Variants in TGFBRAP1 observed in about 807,000 individuals in gnomAD.
TGFBRAP1 encodes transforming growth factor beta receptor associated protein 1.
Under a neutral mutation model 83.2 loss-of-function variants are expected in TGFBRAP1, and 20 were observed. The ratio of observed to expected loss-of-function variants is 0.24; its 90% CI spans 0.17 to 0.35. The LOEUF (loss-of-function observed/expected upper bound fraction) is 0.35, where lower values mean the gene tolerates loss of function less well. Ranked by LOEUF, TGFBRAP1 falls within the 10% of genes least tolerant of loss-of-function variation. The probability of loss-of-function intolerance (pLI) is 1.00; values close to 1 mark genes in which losing one functional copy is unlikely to be tolerated. For missense variants in TGFBRAP1, 950 were observed against 1,099.4 expected, an observed-to-expected ratio of 0.86 and a Z score of 1.92; for synonymous variants, 415 against 459.8, an observed-to-expected ratio of 0.90 and a Z score of 1.25.
chr2:105,297,453 C>G (rs72823859), intron 3 of TGFBRAP1, among the ~76,000 whole-genome samples: 1 of 152,180 alleles, frequency 6.6e-6, no homozygotes, highest in Non-Finnish European at 1.5e-5. Context: ...GTGACCCCAG[C>G]GCATGCGCCA....
chr2:105,310,109 C>T (rs1678643164), intron 1 of TGFBRAP1, among the ~76,000 whole-genome samples: 1 of 152,150 alleles, frequency 6.6e-6, no homozygotes, highest in South Asian at 2.1e-4. Flanking sequence ...GGAATGGACA[C>T]TTGGCTATTC....
chr2:105,275,575 C>A lies in TGFBRAP1; in HGVS notation c.1650G>T (p.Leu550=). ...AAGCACAAACCTCTTCACTTTTCTG[C>A]AGGACCCAATCAGCATAGGCCCACA... ...ELVWAYADWV[L]QKSEEVGVQV... is the part of the protein sequence containing the mutation. Residue 550 remains leucine, a synonymous_variant, in exon 8 of 12, where the codon CTG becomes CTT. Coordinates refer to ENST00000393359, the MANE Select transcript of TGFBRAP1 (RefSeq NM_004257.6). 1.2e-6 allele frequency: 2 copies of A among 1,613,756 alleles called. No homozygotes were observed. The highest frequency in any genetic ancestry group is 1.7e-6 in the Non-Finnish European group (2 of 1,179,918).
chr2:105,284,334 T>C lies in TGFBRAP1; in HGVS notation c.1103A>G (p.Glu368Gly). The change falls in exon 5 of 12, where the codon GAA (glutamate) becomes GGA (glycine). Residue 368 changes from glutamate (E) to glycine (G), a missense_variant. Transcript: ENST00000393359. Reference sequence around the variant, plus strand: ...AAATTACCTGAAGAGCTCTTTAGCTTCCAGGAACTGAAGTTGTGCAAACTG... The same window carrying C: ...AAATTACCTGAAGAGCTCTTTAGCTCCCAGGAACTGAAGTTGTGCAAACTG... ...FIQFAQLQFL[E>G]AKELFRSGQL... 6.2e-7 allele frequency: 1 copy of C among 1,613,976 alleles called. No homozygotes were observed. Among genetic ancestry groups the C allele is most frequent in the Non-Finnish European group, 8.5e-7 (1 of 1,179,910 alleles).
At chr2:105,292,989 T>C (rs894128412) in intron 4 of TGFBRAP1, among the ~76,000 whole-genome samples, 2 of 151,910 alleles carry the variant, frequency 1.3e-5, no homozygotes, top group South Asian at 2.1e-4. Flanking sequence ...GCGAGATTTT[T>C]CCCTAAGGAT....
chr2:105,285,920 C>T (rs371914922), intron 4 of TGFBRAP1, among the ~76,000 whole-genome samples: 4 of 152,208 alleles, frequency 2.6e-5, no homozygotes, highest in East Asian at 3.8e-4. Flanking sequence ...AGCAAGGCAA[C>T]GTTCTGTTGC....
intron 2 of TGFBRAP1, 22 bp downstream of exon 2, chr2:105,307,592 C>G (rs576810862): frequency 6.3e-7 from 1 of 1,579,422 alleles, no homozygotes; most frequent in Admixed American, 1.8e-5. Flanking sequence ...AAAGATCAGG[C>G]GCACAAATGC....
chr2:105,311,010 C>A (rs1678671035), intron 1 of TGFBRAP1, among the ~76,000 whole-genome samples: 1 of 151,930 alleles, frequency 6.6e-6, no homozygotes, highest in South Asian at 2.1e-4. Context: ...TTCATAATTC[C>A]AGCCCCTGTC....
chr2:105,303,739 G>T (rs1466077962), intron 2 of TGFBRAP1, among the ~76,000 whole-genome samples: 1 of 152,188 alleles, frequency 6.6e-6, no homozygotes. Context: ...CCACTAGGAA[G>T]TGGTCTTGCC....
At chr2:105,318,296 T>A (rs1045232709) in intron 1 of TGFBRAP1, among the ~76,000 whole-genome samples, 4 of 152,148 alleles carry the variant, frequency 2.6e-5, no homozygotes, top group Admixed American at 1.3e-4. Context: ...CTTAAGGGAA[T>A]GATGAACACA....
Position 105,307,757 on chromosome 2 carries a change from A to G in TGFBRAP1, c.545T>C (p.Leu182Pro). The G allele has an allele frequency of 6.2e-7, 1 of 1,614,202 alleles. No homozygotes were observed. The highest frequency in any genetic ancestry group is 8.5e-7 in the Non-Finnish European group (1 of 1,180,036). ...GATGATGTACTGAGTGGTCAGAGCC[A>G]GACACAGGAAGTGGCCGTCCACAGC... ...AVAVDGHFLC[L>P]ALTTQYIIHN... The change falls in exon 2 of 12, where the codon CTG (leucine) becomes CCG (proline). Residue 182 changes from leucine (L) to proline (P), a missense_variant. By Grantham distance (98) the Leu-to-Pro change is moderately conservative. Coordinates refer to ENST00000393359, the MANE Select transcript of TGFBRAP1 (RefSeq NM_004257.6).
intron 2 of TGFBRAP1, 30 bp from the exon 3 acceptor site, chr2:105,298,735 C>A: frequency 6.5e-7 from 1 of 1,530,274 alleles, no homozygotes; most frequent in Non-Finnish European, 8.8e-7. Flanking sequence ...GTTAGGTAGG[C>A]TTCCAAATAA....
intron 1 of TGFBRAP1, among the ~76,000 whole-genome samples, chr2:105,316,635 T>G (rs1359833767): frequency 6.6e-6 from 1 of 151,916 alleles, no homozygotes; most frequent in East Asian, 1.9e-4. Context: ...GACAACATGG[T>G]GAAACCCGTC....
rs143465525 is a variant in TGFBRAP1, at chr2:105,317,272, A to G, written c.-17-8954T>C. On this transcript the variant is annotated intron_variant, in intron 1 of 11. Coordinates refer to ENST00000393359, the MANE Select transcript of TGFBRAP1 (RefSeq NM_004257.6). The stretch of plus-strand genomic sequence containing the variant: ...CCCAACATGGTGAAACCCCATTTAC[A>G]CTAAAAATACAAAAATTAGCTGGGC... Among the ~76,000 whole-genome samples, 5 of 152,260 alleles carry G rather than the reference A, an allele frequency of 3.3e-5. No individual in the cohort carries two copies. In the East Asian group the frequency reaches 9.7e-4, roughly 29 times the overall value.
intron 2 of TGFBRAP1, among the ~76,000 whole-genome samples, chr2:105,306,847 G>A (rs931426343): frequency 1.1e-4 from 17 of 152,058 alleles, no homozygotes; most frequent in African/African-American, 4.1e-4. Flanking sequence ...GAGCAGAGAG[G>A]AGGGAAAGAG....
the TGFBRAP1 span, among the ~76,000 whole-genome samples, chr2:105,252,878 G>A: frequency 7.0e-6 from 1 of 142,248 alleles, no homozygotes; most frequent in African/African-American, 2.6e-5. Context: ...TCAGCCTCCC[G>A]AGTAGCTGGG....
chr2:105,314,650 A>G (rs571330419), intron 1 of TGFBRAP1, among the ~76,000 whole-genome samples: 1 of 152,048 alleles, frequency 6.6e-6, no homozygotes, highest in South Asian at 2.1e-4. Flanking sequence ...AAGAATAGTG[A>G]TGAAGAATTG....
chr2:105,251,612 T>G, the TGFBRAP1 span, among the ~76,000 whole-genome samples: 1 of 152,012 alleles, frequency 6.6e-6, no homozygotes, highest in East Asian at 1.9e-4. Flanking sequence ...GAGGAGCCCC[T>G]CTGCCCGGCC....
At chr2:105,326,055 T>A (rs181558775) in intron 1 of TGFBRAP1, among the ~76,000 whole-genome samples, 1 of 152,282 alleles carries the variant, frequency 6.6e-6, no homozygotes, top group East Asian at 1.9e-4. Flanking sequence ...ACAGTTAAGG[T>A]CTAATATCTA....
chr2:105,250,857 T>A, the TGFBRAP1 span, among the ~76,000 whole-genome samples: 336 of 152,328 alleles, frequency 2.2e-3, 1 homozygote, highest in Non-Finnish European at 3.7e-3. Flanking sequence ...GGTTTCGCCG[T>A]GTTGGCCGGG....
Sources: gnomAD v4.1 joint callset for allele counts (sites outside exome capture counted in the v4.1 genomes callset) on GRCh38, gnomAD v4.1.1 for gene constraint, MANE v1.5 for transcripts, NCBI Gene and HGNC (gene_info 2026-07-23, HGNC 2026-07-21) for gene names.